TENM3: variants seen among roughly 807,000 people sequenced by gnomAD.
The protein encoded by TENM3 is teneurin-3.
In TENM3, 63 loss-of-function variants were observed where a neutral mutation model predicts 255.1. That is an observed-to-expected ratio of 0.25 (90% CI 0.20 to 0.30). TENM3 has a LOEUF of 0.30. Among genes scored for constraint, TENM3 ranks in the 10% least tolerant of loss-of-function variants. TENM3 has a pLI of 1.00. For missense variants in TENM3, 2,929 were observed against 3,461.1 expected, an observed-to-expected ratio of 0.85 and a Z score of 3.86; for synonymous variants, 1,306 against 1,322.3, an observed-to-expected ratio of 0.99 and a Z score of 0.27.
At chr4:182,183,664 G>A (rs748860668) in intron 1 of TENM3, among the ~76,000 whole-genome samples, 4 of 151,850 alleles carry the variant, frequency 2.6e-5, no homozygotes, top group South Asian at 2.1e-4. Context: ...TTTTTACTGC[G>A]TCCTCAACCA....
At chr4:182,177,957 T>G (rs1352459655) in intron 1 of TENM3, among the ~76,000 whole-genome samples, 2 of 99,428 alleles carry the variant, frequency 2.0e-5, no homozygotes, top group African/African-American at 4.0e-5. Flanking sequence ...TTTTGGTTTT[T>G]GTTTTTTTTT....
intron 1 of TENM3, among the ~76,000 whole-genome samples, chr4:182,209,060 T>C (rs1291593572): frequency 6.6e-6 from 1 of 151,594 alleles, no homozygotes; most frequent in African/African-American, 2.4e-5. Flanking sequence ...CCTCCGCCTC[T>C]GCGTTCAAGC....
the TENM3 span, among the ~76,000 whole-genome samples, chr4:181,856,160 AGGAAAG>A: frequency 3.4e-5 from 5 of 148,460 alleles, no homozygotes; most frequent in African/African-American, 1.3e-4. Context: ...AGGAAAGGGA[AGGAAAG>A]GGAAGGAAAG....
At chr4:182,767,386 A>G (rs553993821) in intron 22 of TENM3, among the ~76,000 whole-genome samples, 1 of 152,126 alleles carries the variant, frequency 6.6e-6, no homozygotes, top group Non-Finnish European at 1.5e-5. Flanking sequence ...GTTGTGTTCC[A>G]CTTCACCTCA....
chr4:181,649,020 A>C, the TENM3 span, among the ~76,000 whole-genome samples: 1 of 152,176 alleles, frequency 6.6e-6, no homozygotes, highest in African/African-American at 2.4e-5. Context: ...CACTTCAAAA[A>C]ATATTGTTAT....
the TENM3 span, among the ~76,000 whole-genome samples, chr4:181,966,994 TCTCTCTCTCTCG>T: frequency 6.6e-6 from 1 of 151,844 alleles, no homozygotes; most frequent in African/African-American, 2.4e-5. Context: ...ACCATATCTC[TCTCTCTCTCTCG>T]CTCTCTCTCT....
the TENM3 span, among the ~76,000 whole-genome samples, chr4:181,966,418 C>T: frequency 6.6e-6 from 1 of 152,242 alleles, no homozygotes; most frequent in African/African-American, 2.4e-5. Context: ...TGCAGATTTT[C>T]TCTATTAGAT....
intron 3 of TENM3, among the ~76,000 whole-genome samples, chr4:182,400,396 C>T (rs1180406366): frequency 6.6e-6 from 1 of 152,166 alleles, no homozygotes; most frequent in Non-Finnish European, 1.5e-5. Flanking sequence ...ACCTTTAAGA[C>T]ACAAAGCTCA....
the TENM3 span, among the ~76,000 whole-genome samples, chr4:181,485,461 T>C: frequency 6.7e-6 from 1 of 149,544 alleles, no homozygotes; most frequent in Non-Finnish European, 1.5e-5. Flanking sequence ...TTAGATGTAC[T>C]AAAGGTACGG....
At chr4:182,034,957 G>C in the TENM3 span, among the ~76,000 whole-genome samples, 3 of 152,010 alleles carry the variant, frequency 2.0e-5, no homozygotes, top group Admixed American at 6.6e-5. Flanking sequence ...AGTTCTCCTG[G>C]GTGATACCCT....
the TENM3 span, among the ~76,000 whole-genome samples, chr4:182,011,379 T>G: frequency 6.6e-6 from 1 of 152,306 alleles, no homozygotes; most frequent in Non-Finnish European, 1.5e-5. Flanking sequence ...TTTTACTTCC[T>G]ATTTATTTCT....
At chr4:181,666,928 G>A in the TENM3 span, among the ~76,000 whole-genome samples, 5 of 152,152 alleles carry the variant, frequency 3.3e-5, no homozygotes, top group Middle Eastern at 3.4e-3. Context: ...CTACAGAGAC[G>A]TTTTCATATC....
At chr4:181,785,523 A>G in the TENM3 span, among the ~76,000 whole-genome samples, 1 of 152,146 alleles carries the variant, frequency 6.6e-6, no homozygotes, top group Non-Finnish European at 1.5e-5. Context: ...ATGCGCATAT[A>G]CACATTAAGT....
intron 2 of TENM3, among the ~76,000 whole-genome samples, chr4:182,335,303 C>CTTGG (rs1253129919): frequency 0.017 from 810 of 48,358 alleles, 1 homozygote; most frequent in Admixed American, 0.019. Context: ...TCGAGACCAT[C>CTTGG]CTGTGAATGG....
At chr4:182,515,108 G>A (rs181494927) in intron 3 of TENM3, among the ~76,000 whole-genome samples, 13 of 152,306 alleles carry the variant, frequency 8.5e-5, no homozygotes, top group Admixed American at 7.8e-4. Flanking sequence ...GATGATAAGT[G>A]AAAAAGCAAT....
intron 12 of TENM3, among the ~76,000 whole-genome samples, chr4:182,695,558 T>C (rs1757339332): frequency 6.6e-6 from 1 of 152,202 alleles, no homozygotes; most frequent in Non-Finnish European, 1.5e-5. Context: ...CACTTCTCTC[T>C]GTGGCTGTTA....
At chr4:181,466,795 T>C in the TENM3 span, among the ~76,000 whole-genome samples, 1 of 151,952 alleles carries the variant, frequency 6.6e-6, no homozygotes, top group Admixed American at 6.6e-5. Context: ...CCCCTAAGCA[T>C]TTATAGATTG....
At chr4:182,608,828 G>A (rs937875729) in intron 4 of TENM3, among the ~76,000 whole-genome samples, 3 of 152,316 alleles carry the variant, frequency 2.0e-5, no homozygotes, top group Admixed American at 2.0e-4. Context: ...CGGGTGCTCT[G>A]CGGACCATAA....
chr4:182,571,561 C>G (rs1199070014), intron 3 of TENM3, among the ~76,000 whole-genome samples: 1 of 152,140 alleles, frequency 6.6e-6, no homozygotes, highest in African/African-American at 2.4e-5. Flanking sequence ...CACACACGCA[C>G]AAATTATACC....
Sources: gnomAD v4.1 joint callset for allele counts (sites outside exome capture counted in the v4.1 genomes callset) on GRCh38, gnomAD v4.1.1 for gene constraint, MANE v1.5 for transcripts, NCBI Gene and HGNC (gene_info 2026-07-23, HGNC 2026-07-21) for gene names.